Variants in THRB observed in about 807,000 individuals in gnomAD.
The protein encoded by THRB is thyroid hormone receptor beta.
Under a neutral mutation model 47.8 loss-of-function variants are expected in THRB, and 12 were observed. The ratio of observed to expected loss-of-function variants is 0.25; its 90% CI spans 0.16 to 0.41. The LOEUF is 0.41. Ranked by LOEUF, THRB falls within the 10% of genes least tolerant of loss-of-function variation. THRB has a pLI of 1.00. For synonymous variants in THRB, 218 were observed against 212.2 expected (o/e 1.03, Z -0.24); for missense variants, 348 against 589.2 (o/e 0.59, Z 4.24).
At chr3:24,367,706 A>G (rs990919755) in intron 1 of THRB, among the ~76,000 whole-genome samples, 1 of 152,180 alleles carries the variant, frequency 6.6e-6, no homozygotes, top group Non-Finnish European at 1.5e-5. Flanking sequence ...CTTTCTTGTC[A>G]GTTAGGCTGG....
intron 8 of THRB, among the ~76,000 whole-genome samples, chr3:24,138,395 G>T (rs1323415329): frequency 6.6e-6 from 1 of 151,846 alleles, no homozygotes; most frequent in Non-Finnish European, 1.5e-5. Flanking sequence ...GATGGTGGCA[G>T]TGCGGGGTGT....
intron 5 of THRB, among the ~76,000 whole-genome samples, chr3:24,176,997 G>A (rs2041244695): frequency 6.6e-6 from 1 of 152,126 alleles, no homozygotes; most frequent in Non-Finnish European, 1.5e-5. Flanking sequence ...CAAACAGCTT[G>A]AGTTAATTAA....
chr3:24,293,531 C>A (rs547147570), intron 3 of THRB, among the ~76,000 whole-genome samples: 2 of 152,324 alleles, frequency 1.3e-5, no homozygotes, highest in South Asian at 2.1e-4. Flanking sequence ...CAAATTGTAT[C>A]ATTTTGCCAT....
intron 3 of THRB, among the ~76,000 whole-genome samples, chr3:24,259,620 CTTTTTTTT>C (rs10671187): frequency 3.1e-5 from 3 of 98,256 alleles, no homozygotes; most frequent in African/African-American, 3.9e-5. Flanking sequence ...CTCTGCTTAC[CTTTTTTTT>C]TTTTTTTTTT....
At chr3:24,256,017 A>G (rs942307969) in intron 3 of THRB, among the ~76,000 whole-genome samples, 2 of 152,240 alleles carry the variant, frequency 1.3e-5, no homozygotes, top group Non-Finnish European at 2.9e-5. Flanking sequence ...AGCACCCACT[A>G]TTTAAAGAAC....
intron 2 of THRB, among the ~76,000 whole-genome samples, chr3:24,328,221 T>C (rs1473250660): frequency 6.6e-6 from 1 of 152,212 alleles, no homozygotes; most frequent in African/African-American, 2.4e-5. Context: ...TTCCTATATT[T>C]ATCAATAGCC....
chr3:24,430,582 A>G (rs1242741706), intron 1 of THRB, among the ~76,000 whole-genome samples: 1 of 152,126 alleles, frequency 6.6e-6, no homozygotes, highest in Non-Finnish European at 1.5e-5. Context: ...TTATATGTGT[A>G]TATATTTACT....
In THRB at chr3:24,179,143, G is replaced by A. The variant is rs188207146; in HGVS notation, c.283+10931C>T. On this transcript the variant is annotated intron_variant, in intron 5 of 10. Transcript: ENST00000646209. Reference sequence around the variant, plus strand: ...AGCCCTATCTAGAGGAATGAAGCCTGTGAAAACCCCTTAGAGACAAGTCCT... The same window carrying A: ...AGCCCTATCTAGAGGAATGAAGCCTATGAAAACCCCTTAGAGACAAGTCCT... 1.0e-3 allele frequency among the ~76,000 whole-genome samples: 157 copies of A among 152,276 alleles called. 1 individual carries two copies. Among genetic ancestry groups the A allele is most frequent in the African/African-American group, 3.6e-3 (148 of 41,550 alleles).
chr3:24,390,529 T>C lies in THRB; in HGVS notation c.-260-53158A>G, dbSNP rs78067613. On this transcript the variant is annotated intron_variant, in intron 1 of 10. Transcript: ENST00000646209. ...ACTTGGGAAAATGCTATAATTAGCC[T>C]TTTATTATTATAAGCATTTCTGTAA... 5.3e-3 allele frequency among the ~76,000 whole-genome samples: 810 copies of C among 152,212 alleles called. 5 individuals carry two copies. Among genetic ancestry groups the C allele is most frequent in the African/African-American group, 0.018 (765 of 41,558 alleles).
intron 5 of THRB, among the ~76,000 whole-genome samples, chr3:24,174,162 A>G (rs1287726086): frequency 6.6e-6 from 1 of 152,060 alleles, no homozygotes; most frequent in Non-Finnish European, 1.5e-5. Flanking sequence ...TGCATTAGGT[A>G]TTTGTCCTAA....
intron 5 of THRB, 176 bp downstream of exon 5, chr3:24,189,898 A>G: frequency 1.6e-6 from 1 of 643,896 alleles, no homozygotes; most frequent in South Asian, 2.0e-5. Context: ...GATTCCACTT[A>G]TTTATTTATG....
chr3:24,146,187 A>T (rs1455857626), intron 7 of THRB, among the ~76,000 whole-genome samples: 1 of 152,166 alleles, frequency 6.6e-6, no homozygotes, highest in Non-Finnish European at 1.5e-5. Context: ...TCTGAACACG[A>T]TGTTTTCTGC....
intron 1 of THRB, among the ~76,000 whole-genome samples, chr3:24,475,579 C>A (rs548625508): frequency 6.6e-6 from 1 of 152,186 alleles, no homozygotes; most frequent in East Asian, 1.9e-4. Flanking sequence ...AAAGGCCATG[C>A]ACTAGCAAGA....
intron 4 of THRB, among the ~76,000 whole-genome samples, chr3:24,214,213 G>T (rs1382666588): frequency 6.6e-6 from 1 of 152,174 alleles, no homozygotes; most frequent in Non-Finnish European, 1.5e-5. Context: ...GGCATTAGGG[G>T]TCAGCAATGC....
At chr3:24,327,540 T>C (rs891136008) in intron 2 of THRB, among the ~76,000 whole-genome samples, 1 of 152,230 alleles carries the variant, frequency 6.6e-6, no homozygotes, top group African/African-American at 2.4e-5. Flanking sequence ...ACTAAGCACC[T>C]ACTATGTGCC....
chr3:24,459,423 T>C (rs557081031), intron 1 of THRB: 2 of 152,346 alleles, frequency 1.3e-5, no homozygotes, highest in Admixed American at 6.5e-5. Context: ...GCAATGAACA[T>C]ACCTGTGCAT....
At chr3:24,482,157 T>C (rs955588027) in intron 1 of THRB, among the ~76,000 whole-genome samples, 1 of 152,206 alleles carries the variant, frequency 6.6e-6, no homozygotes, top group African/African-American at 2.4e-5. Flanking sequence ...GCTCCATACA[T>C]CCAAGGTACA....
chr3:24,240,478 T>C (rs1423781145), intron 3 of THRB, among the ~76,000 whole-genome samples: 2 of 152,204 alleles, frequency 1.3e-5, no homozygotes, highest in Non-Finnish European at 2.9e-5. Flanking sequence ...CAACCATAGC[T>C]GAGAAGCTGG....
At chr3:24,183,073 A>G (rs985978805) in intron 5 of THRB, among the ~76,000 whole-genome samples, 1 of 152,190 alleles carries the variant, frequency 6.6e-6, no homozygotes, top group African/African-American at 2.4e-5. Flanking sequence ...TCTGAGAAAA[A>G]AAATACTTTG....
Sources: gnomAD v4.1 joint callset for allele counts (sites outside exome capture counted in the v4.1 genomes callset) on GRCh38, gnomAD v4.1.1 for gene constraint, MANE v1.5 for transcripts, NCBI Gene and HGNC (gene_info 2026-07-23, HGNC 2026-07-21) for gene names.